The following CYFIP2 variants were observed in gnomAD, a reference collection of about 807,000 sequenced individuals.
CYFIP2 encodes cytoplasmic FMR1 interacting protein 2.
In CYFIP2, 29 loss-of-function variants were observed where a neutral mutation model predicts 158.7. The observed-to-expected ratio is 0.18, with a 90% CI of 0.14 to 0.25. CYFIP2 has a LOEUF of 0.25. CYFIP2 is among the 10% of genes least tolerant of loss of function. CYFIP2 has a pLI of 1.00. For missense variants in CYFIP2, 852 were observed against 1,639.5 expected, an observed-to-expected ratio of 0.52 and a Z score of 8.29; for synonymous variants, 585 against 617.6, an observed-to-expected ratio of 0.95 and a Z score of 0.78.
At chr5:157,390,495 C>T in intron 29 of CYFIP2, 26 bp from the exon 30 acceptor site, 1 of 1,546,162 alleles carries the variant, frequency 6.5e-7, no homozygotes, top group Non-Finnish European at 8.7e-7. Flanking sequence ...CCTCTCACTC[C>T]AGCTGCTTCC....
intron 2 of CYFIP2, among the ~76,000 whole-genome samples, chr5:157,286,704 C>G (rs140664966): frequency 3.3e-5 from 5 of 152,118 alleles, no homozygotes; most frequent in East Asian, 1.9e-4. Context: ...CTGGAACTGC[C>G]GAATCAAAGC....
At chr5:157,294,325 G>A (rs1291686268) in intron 3 of CYFIP2, among the ~76,000 whole-genome samples, 2 of 152,224 alleles carry the variant, frequency 1.3e-5, no homozygotes, top group Non-Finnish European at 2.9e-5. Flanking sequence ...GAAGCAAGAT[G>A]GAGTCAACTA....
chr5:157,320,593 A>G, intron 14 of CYFIP2, 62 bp from the exon 15 acceptor site: 1 of 1,606,786 alleles, frequency 6.2e-7, no homozygotes, highest in Non-Finnish European at 8.5e-7. Context: ...TAGAAACACA[A>G]GCTTGTAGTG....
intron 19 of CYFIP2, among the ~76,000 whole-genome samples, chr5:157,329,818 G>T (rs1013940261): frequency 6.6e-6 from 1 of 152,218 alleles, no homozygotes; most frequent in African/African-American, 2.4e-5. Flanking sequence ...ACTTTGGACA[G>T]TGTAAATATA....
In CYFIP2 at chr5:157,359,030, T is replaced by A. The variant is rs1208018065; in HGVS notation, c.2699T>A (p.Ile900Asn). Residue 900 changes from isoleucine (I) to asparagine (N), a missense_variant, in exon 24 of 31, where the codon ATC (isoleucine) becomes AAC (asparagine). Transcript: ENST00000620254. ...CCTCTCAACATTGCCTACAGCCACATCTACAGCTCCTACAGGAATTTCGTG... is the reference window on the plus strand; with the variant it reads ...CCTCTCAACATTGCCTACAGCCACAACTACAGCTCCTACAGGAATTTCGTG... ...SKPLNIAYSHIYSSYRNFVGP... is the reference protein window; with the variant it reads ...SKPLNIAYSHNYSSYRNFVGP... The A allele has an allele frequency of 6.2e-7, 1 of 1,613,874 alleles. No homozygotes were observed. The highest frequency in any genetic ancestry group is 1.3e-5 in the African/African-American group (1 of 74,916).
At chr5:157,319,734 A>T in intron 13 of CYFIP2, 28 bp from the exon 14 acceptor site, 1 of 1,611,966 alleles carries the variant, frequency 6.2e-7, no homozygotes, top group South Asian at 1.1e-5. Context: ...GACATGGTGA[A>T]CATGACCCTT....
At chr5:157,286,947 GC>G (rs1361130303) in intron 2 of CYFIP2, 71 bp from the exon 3 acceptor site, 2 of 1,159,410 alleles carry the variant, frequency 1.7e-6, no homozygotes, top group African/African-American at 1.5e-5. Context: ...GCAGCAGTTT[GC>G]CCTCTGGACA....
chr5:157,326,081 G>A, intron 17 of CYFIP2, 90 bp from the exon 18 acceptor site: 1 of 998,198 alleles, frequency 1.0e-6, no homozygotes, highest in Non-Finnish European at 1.6e-6. Flanking sequence ...TCCTGACTGT[G>A]AACTTGTTTC....
At chr5:157,295,799 A>C (rs914855762) in intron 4 of CYFIP2, among the ~76,000 whole-genome samples, 4 of 152,248 alleles carry the variant, frequency 2.6e-5, no homozygotes, top group Admixed American at 2.6e-4. Context: ...AGTATGAAGA[A>C]TGTCCCTGTG....
intron 26 of CYFIP2, among the ~76,000 whole-genome samples, chr5:157,369,902 G>C (rs1339883641): frequency 2.8e-5 from 1 of 35,230 alleles, no homozygotes; most frequent in Admixed American, 2.2e-4. Context: ...TTTTTTTAAA[G>C]ACAGAGTCTT....
chr5:157,302,803 G>A lies in CYFIP2; in HGVS notation c.579G>A (p.Gln193=), dbSNP rs1177632843. Residue 193 remains glutamine (Q), a synonymous_variant, in exon 7 of 31, where the codon CAG becomes CAA. Coordinates refer to ENST00000620254, the MANE Select transcript of CYFIP2 (RefSeq NM_001037333.3). ...ACTATCTGCGTTTCAGGGCAGCACA[G>A]TTCCTGCGGAAGATGGCAGATCCCC... ...NDHSAYKRAA[Q]FLRKMADPQS... 2 of 1,578,856 alleles carry A rather than the reference G, an allele frequency of 1.3e-6. No individual in the cohort carries two copies. The highest frequency in any genetic ancestry group is 2.3e-5 in the East Asian group (1 of 43,336).
chr5:157,312,770 G>T (rs1759842556), intron 11 of CYFIP2, among the ~76,000 whole-genome samples: 1 of 152,208 alleles, frequency 6.6e-6, no homozygotes, highest in African/African-American at 2.4e-5. Context: ...CAGGGACCAA[G>T]GTCAAGCCCA....
chr5:157,315,128 C>G (rs767473045), intron 13 of CYFIP2, 34 bp downstream of exon 13: 1 of 1,610,884 alleles, frequency 6.2e-7, no homozygotes, highest in African/African-American at 1.3e-5. Flanking sequence ...CCCTCCCTCC[C>G]CAAGGCTGCA....
Position 157,315,031 on chromosome 5 carries a change from G to T in CYFIP2, c.1293G>T (p.Ala431=), listed in dbSNP as rs369323669. 1 of 1,610,952 alleles carries T rather than the reference G, an allele frequency of 6.2e-7. No individual in the cohort carries two copies. The highest frequency in any genetic ancestry group is 1.7e-5 in the Admixed American group (1 of 59,576). Reference sequence around the variant, plus strand: ...GCAACAAGGACTGTCCTGGCACCGCGGAGGAATATGAGAGAGCCACACGCT... The same window carrying T: ...GCAACAAGGACTGTCCTGGCACCGCTGAGGAATATGAGAGAGCCACACGCT... ...KFCNKDCPGT[A]EEYERATRYN... Residue 431 remains alanine, a synonymous_variant, in exon 13 of 31, where the codon GCG becomes GCT. Transcript: ENST00000620254.
At chr5:157,360,065 C>T (rs1763701459) in intron 24 of CYFIP2, among the ~76,000 whole-genome samples, 1 of 152,238 alleles carries the variant, frequency 6.6e-6, no homozygotes, top group African/African-American at 2.4e-5. Context: ...AGACCCTACA[C>T]CTAGAAATGT....
chr5:157,374,020 A>G (rs1765234787), intron 26 of CYFIP2, among the ~76,000 whole-genome samples: 1 of 152,228 alleles, frequency 6.6e-6, no homozygotes, highest in Non-Finnish European at 1.5e-5. Flanking sequence ...CCCAGAAGAA[A>G]ATGACAAATT....
intron 11 of CYFIP2, 99 bp from the exon 12 acceptor site, chr5:157,314,245 T>A (rs1759960372): frequency 6.9e-7 from 1 of 1,442,444 alleles, no homozygotes; most frequent in African/African-American, 1.4e-5. Context: ...GGGGATGTAA[T>A]AATAGCACTT....
chr5:157,300,671 T>A (rs1295725130), intron 5 of CYFIP2, 44 bp from the exon 6 acceptor site: 2 of 1,429,236 alleles, frequency 1.4e-6, no homozygotes, highest in Middle Eastern at 2.5e-4. Context: ...CCTGCCCCCA[T>A]AAGGGAGCAC....
At chr5:157,314,687 G>A (rs982103954) in intron 12 of CYFIP2, among the ~76,000 whole-genome samples, 3 of 152,152 alleles carry the variant, frequency 2.0e-5, no homozygotes, top group Non-Finnish European at 4.4e-5. Context: ...AAGAAACCCT[G>A]TGTTATCTCC....
Sources: gnomAD v4.1 joint callset for allele counts (sites outside exome capture counted in the v4.1 genomes callset) on GRCh38, gnomAD v4.1.1 for gene constraint, MANE v1.5 for transcripts, NCBI Gene and HGNC (gene_info 2026-07-23, HGNC 2026-07-21) for gene names.